The following ERBB4 variants were observed in gnomAD, a reference collection of about 807,000 sequenced individuals.
ERBB4 encodes receptor tyrosine-protein kinase erbB-4.
Under a neutral mutation model 158.0 loss-of-function variants are expected in ERBB4, and 42 were observed. That is an observed-to-expected ratio of 0.27 (90% CI 0.21 to 0.34). The LOEUF is 0.34. Ranked by LOEUF, ERBB4 falls within the 10% of genes least tolerant of loss-of-function variation. The pLI is 1.00. For synonymous variants in ERBB4, 583 were observed against 558.7 expected (o/e 1.04, Z -0.61); for missense variants, 1,333 against 1,624.1 (o/e 0.82, Z 3.08).
rs187324009 is a variant in ERBB4, at chr2:211,670,556, T to C, written c.1716+2608A>G. Among the ~76,000 whole-genome samples, 32 of 152,270 alleles carry C rather than the reference T, an allele frequency of 2.1e-4. No individual in the cohort carries two copies. The East Asian group carries it at 5.4e-3, about 26-fold the overall frequency. On this transcript the variant is annotated intron_variant, in intron 14 of 27. Transcript: ENST00000342788. ...GCACAATTTTATGCAACAGGAGGCA[T>C]CATGAAGAAGAGAAAAAGCATGGAA...
intron 4 of ERBB4, among the ~76,000 whole-genome samples, chr2:211,769,900 C>G (rs1012973364): frequency 5.3e-5 from 8 of 152,186 alleles, no homozygotes; most frequent in Admixed American, 1.3e-4. Flanking sequence ...GTCTGCCTCT[C>G]CCAGTCCACT....
chr2:211,709,451 G>A (rs1575026683), intron 9 of ERBB4, among the ~76,000 whole-genome samples: 1 of 151,736 alleles, frequency 6.6e-6, no homozygotes, highest in African/African-American at 2.4e-5. Flanking sequence ...TGTTTTATCT[G>A]TAAGAATTTT....
At chr2:212,515,952 A>G (rs1244226182) in intron 1 of ERBB4, among the ~76,000 whole-genome samples, 1 of 152,092 alleles carries the variant, frequency 6.6e-6, no homozygotes, top group Non-Finnish European at 1.5e-5. Context: ...ATAAAGGACA[A>G]CATTAAAGGA....
chr2:211,992,599 C>T (rs2082107112), intron 2 of ERBB4, among the ~76,000 whole-genome samples: 1 of 148,470 alleles, frequency 6.7e-6, no homozygotes, highest in African/African-American at 2.5e-5. Flanking sequence ...TTGTCAGGGG[C>T]AGAAATCAAT....
chr2:211,989,836 A>C (rs1275500451), intron 2 of ERBB4, among the ~76,000 whole-genome samples: 1 of 151,974 alleles, frequency 6.6e-6, no homozygotes, highest in Non-Finnish European at 1.5e-5. Flanking sequence ...AACTCCACCC[A>C]TGTCTTACTT....
chr2:211,742,722 A>G (rs992531311), intron 5 of ERBB4, among the ~76,000 whole-genome samples: 6 of 152,062 alleles, frequency 3.9e-5, no homozygotes, highest in African/African-American at 1.4e-4. Flanking sequence ...TTTTCCTAGC[A>G]TATTCTATAA....
At chr2:211,718,061 G>A (rs2073978921) in intron 7 of ERBB4, among the ~76,000 whole-genome samples, 2 of 150,924 alleles carry the variant, frequency 1.3e-5, no homozygotes, top group Non-Finnish European at 2.9e-5. Flanking sequence ...ACAGGTGTGT[G>A]CCACCACGAC....
At chr2:211,725,233 C>T (rs1303175981) in intron 5 of ERBB4, 39 bp from the exon 6 acceptor site, 1 of 1,489,890 alleles carries the variant, frequency 6.7e-7, no homozygotes, top group South Asian at 1.1e-5. Flanking sequence ...CAAAGTCTGC[C>T]ACCAGGAGAA....
chr2:211,788,236 C>T, intron 3 of ERBB4, 77 bp from the exon 4 acceptor site: 1 of 1,069,134 alleles, frequency 9.4e-7, no homozygotes, highest in Non-Finnish European at 1.4e-6. Flanking sequence ...AAGTGATTTG[C>T]TCTTAACTAT....
At chr2:212,516,416 T>C (rs532588104) in intron 1 of ERBB4, among the ~76,000 whole-genome samples, 8 of 152,172 alleles carry the variant, frequency 5.3e-5, no homozygotes, top group East Asian at 1.9e-4. Flanking sequence ...CTTTGGGCAG[T>C]AGAAAAATGT....
chr2:212,479,855 T>A (rs528224141), intron 1 of ERBB4, among the ~76,000 whole-genome samples: 1 of 152,288 alleles, frequency 6.6e-6, no homozygotes, highest in Admixed American at 6.5e-5. Flanking sequence ...AAAGTGAATG[T>A]CATTTTAACA....
intron 19 of ERBB4, among the ~76,000 whole-genome samples, chr2:211,588,239 G>T (rs751771165): frequency 1.4e-4 from 21 of 152,116 alleles, no homozygotes; most frequent in Non-Finnish European, 2.6e-4. Flanking sequence ...ATTCTGGAGG[G>T]ATGTTTGGGC....
chr2:211,479,528 G>T (rs2065032638), intron 20 of ERBB4, among the ~76,000 whole-genome samples: 1 of 152,126 alleles, frequency 6.6e-6, no homozygotes, highest in Non-Finnish European at 1.5e-5. Flanking sequence ...TAGATCCACA[G>T]CACAAAGCAT....
At chr2:211,514,141 C>G (rs914411222) in intron 20 of ERBB4, among the ~76,000 whole-genome samples, 3 of 152,138 alleles carry the variant, frequency 2.0e-5, no homozygotes, top group Non-Finnish European at 4.4e-5. Flanking sequence ...ACCCTCTACT[C>G]TTCCCTTTCT....
chr2:212,502,893 C>T (rs1690970888), intron 1 of ERBB4, among the ~76,000 whole-genome samples: 1 of 152,122 alleles, frequency 6.6e-6, no homozygotes, highest in Non-Finnish European at 1.5e-5. Context: ...ACCTCAGCCT[C>T]CTGAGTAGCT....
intron 1 of ERBB4, among the ~76,000 whole-genome samples, chr2:212,220,105 A>G (rs1245958394): frequency 6.7e-6 from 1 of 150,354 alleles, no homozygotes; most frequent in East Asian, 2.0e-4. Flanking sequence ...TCACTTTTGT[A>G]GCATTTCAAA....
chr2:211,485,715 G>A (rs1466753699), intron 20 of ERBB4, among the ~76,000 whole-genome samples: 1 of 132,718 alleles, frequency 7.5e-6, no homozygotes, highest in Non-Finnish European at 1.6e-5. Flanking sequence ...CAGTGGGGTG[G>A]GGGGAGGGGG....
chr2:212,538,626 G>GT lies in ERBB4; in HGVS notation c.-97dup. On this transcript the variant is annotated 5_prime_UTR_variant, in exon 1 of 28. Transcript: ENST00000342788. ...GAGGAGATCCCCCAGCCGGGCGCGC[G>GT]TGGGGGTGCGAGGGGGGCGGGCGCG... 1 of 1,321,700 alleles carries GT rather than the reference G, an allele frequency of 7.6e-7. No individual in the cohort carries two copies. The highest frequency in any genetic ancestry group is 1.5e-5 in the African/African-American group (1 of 68,936). The allele number at this position is 1,321,700 out of a possible 1,614,324, so 81.9% of individuals were successfully genotyped here.
At chr2:212,160,198 T>A (rs1042703838) in intron 1 of ERBB4, among the ~76,000 whole-genome samples, 2 of 151,964 alleles carry the variant, frequency 1.3e-5, no homozygotes, top group East Asian at 3.9e-4. Flanking sequence ...AACCAATTAG[T>A]GTCACAGTAA....
Sources: allele counts gnomAD v4.1 joint callset (sites outside exome capture counted in the v4.1 genomes callset), GRCh38; gene constraint gnomAD v4.1.1; transcripts MANE v1.5; gene names NCBI Gene and HGNC (gene_info 2026-07-23, HGNC 2026-07-21).